The following ASB11 variants were observed in gnomAD, a reference collection of about 807,000 sequenced individuals.
ASB11 encodes the protein ankyrin repeat and SOCS box protein 11.
ASB11 carries 17 observed loss-of-function variants against 20.1 expected under a neutral mutation model. The ratio of observed to expected loss-of-function variants is 0.85; its 90% CI spans 0.58 to 1.27. The LOEUF is 1.27. ASB11 is among the 50% of genes most tolerant of loss of function. ASB11 has a pLI of 0.00. For missense variants in ASB11, 259 were observed against 256.9 expected, an observed-to-expected ratio of 1.01 and a Z score of -0.06; for synonymous variants, 107 against 105.6, an observed-to-expected ratio of 1.01 and a Z score of -0.08.
intron 1 of ASB11, among the ~76,000 whole-genome samples, chrX:15,312,290 T>C (rs1278305986): frequency 9.2e-6 from 1 of 108,251 alleles, no homozygotes; most frequent in African/African-American, 3.4e-5. Flanking sequence ...AAACCAAAAC[T>C]AATAACAGTC....
At chrX:15,294,928 G>A (rs927786869) in intron 3 of ASB11, among the ~76,000 whole-genome samples, 4 of 112,507 alleles carry the variant, frequency 3.6e-5, no homozygotes, top group African/African-American at 1.3e-4. Context: ...TCTACTAGGT[G>A]CTAATGTTTT....
intron 1 of ASB11, among the ~76,000 whole-genome samples, chrX:15,305,597 TTAGA>T (rs74919898): frequency 0.052 from 5,091 of 98,509 alleles, 134 homozygotes; most frequent in South Asian, 0.1. Flanking sequence ...AAAAAAAAGA[TTAGA>T]TAGATAGATA....
chrX:15,298,563 G>A, intron 2 of ASB11, among the ~76,000 whole-genome samples: 1 of 111,505 alleles, frequency 9.0e-6, no homozygotes, highest in Non-Finnish European at 1.9e-5. Context: ...GGAGCTAATA[G>A]ATTAGCCTTT....
chrX:15,286,176 G>C (rs1927380731), intron 6 of ASB11, among the ~76,000 whole-genome samples: 2 of 111,124 alleles, frequency 1.8e-5, no homozygotes, highest in Non-Finnish European at 3.8e-5. Context: ...AAATCCTCAA[G>C]TGAACTGATA....
At chrX:15,310,128 C>T (rs919044363) in intron 1 of ASB11, among the ~76,000 whole-genome samples, 1 of 110,036 alleles carries the variant, frequency 9.1e-6, no homozygotes, top group African/African-American at 3.3e-5. Flanking sequence ...CAGAAACTGC[C>T]ACAGTGGGGT....
intron 1 of ASB11, among the ~76,000 whole-genome samples, chrX:15,303,630 G>A (rs1388453884): frequency 8.9e-6 from 1 of 111,918 alleles, no homozygotes; most frequent in African/African-American, 3.2e-5. Context: ...CTGAGCATGG[G>A]CCAGTGGAGC....
At chrX:15,298,659 CTA>C (rs1401460260) in intron 2 of ASB11, among the ~76,000 whole-genome samples, 2 of 111,676 alleles carry the variant, frequency 1.8e-5, no homozygotes, top group African/African-American at 6.5e-5. Flanking sequence ...AGAGATGTCA[CTA>C]TGAGTCTAGG....
intron 1 of ASB11, chrX:15,314,583 T>C: frequency 1.0e-6 from 1 of 986,286 alleles, no homozygotes; most frequent in Non-Finnish European, 1.3e-6. Flanking sequence ...CACATAAGAC[T>C]ATTTTGAAAG....
intron 6 of ASB11, among the ~76,000 whole-genome samples, chrX:15,285,140 CTTTTTTT>C (rs767822616): frequency 4.0e-4 from 33 of 81,541 alleles, no homozygotes; most frequent in African/African-American, 1.0e-3. Flanking sequence ...TTTAATCTTT[CTTTTTTT>C]TTTTTTTTTT....
intron 6 of ASB11, among the ~76,000 whole-genome samples, chrX:15,284,872 C>T (rs751518557): frequency 8.9e-6 from 1 of 112,187 alleles, no homozygotes; most frequent in East Asian, 2.8e-4. Context: ...AACAGCATCT[C>T]ACACCCCATG....
intron 3 of ASB11, among the ~76,000 whole-genome samples, chrX:15,296,872 T>C (rs992959037): frequency 4.1e-4 from 46 of 112,189 alleles, no homozygotes; most frequent in African/African-American, 1.3e-3. Flanking sequence ...GCTGGGTATA[T>C]ACCCAGAAGA....
rs182509376 is a variant in ASB11 at position 15,314,595 on chromosome X, G to A, written c.181+830C>T. On this transcript the variant is annotated intron_variant, in intron 1 of 6. Coordinates refer to ENST00000480796, the MANE Select transcript of ASB11 (RefSeq NM_080873.3). ...AATCACATAAGACTATTTTGAAAGA[G>A]AATCCTGGATGCAAATTGAAATGGA... 608 of 955,019 alleles carry A rather than the reference G, an allele frequency of 6.4e-4. 3 individuals carry two copies. The African/African-American group carries it at 0.011, about 18-fold the overall frequency. The allele number at this position is 955,019 out of a possible 1,213,427, so 78.7% of individuals were successfully genotyped here.
rs770587509 is a variant in ASB11 at position 15,310,264 on chromosome X, C to T, written c.181+5161G>A. The stretch of plus-strand genomic sequence containing the variant: ...TTGGCAGCTTGGGAGTTTTTCCATT[C>T]CCTTCAGGAAGTATGCAACTGAGCT... On this transcript the variant is annotated intron_variant, in intron 1 of 6. Coordinates refer to ENST00000480796, the MANE Select transcript of ASB11 (RefSeq NM_080873.3). Among the ~76,000 whole-genome samples the T allele has an allele frequency of 8.1e-5, 9 of 111,617 alleles. No individual in the cohort carries two copies. In the South Asian group the frequency reaches 1.5e-3, roughly 19 times the overall value.
chrX:15,283,688 G>A, intron 6 of ASB11, 59 bp from the exon 7 acceptor site: 1 of 1,161,837 alleles, frequency 8.6e-7, no homozygotes, highest in Non-Finnish European at 1.2e-6. Context: ...GGTGGAAGGG[G>A]GAAATCAGAG....
intron 2 of ASB11, among the ~76,000 whole-genome samples, chrX:15,301,101 T>C (rs192647977): frequency 9.0e-6 from 1 of 111,096 alleles, no homozygotes; most frequent in Non-Finnish European, 1.9e-5. Flanking sequence ...TAGCTGGGAT[T>C]ATAGGCGCCC....
intron 1 of ASB11, 78 bp downstream of exon 1, chrX:15,315,347 C>A: frequency 1.2e-6 from 1 of 863,719 alleles, no homozygotes; most frequent in Non-Finnish European, 1.5e-6. Flanking sequence ...TATAATCTGC[C>A]TTCCAGAAAT....
At chrX:15,296,462 A>G (rs896624036) in intron 3 of ASB11, among the ~76,000 whole-genome samples, 6 of 112,087 alleles carry the variant, frequency 5.4e-5, no homozygotes, top group African/African-American at 9.7e-5. Flanking sequence ...TTAAACAACA[A>G]AATTAGAAAC....
At chrX:15,285,001 T>C (rs1216463030) in intron 6 of ASB11, among the ~76,000 whole-genome samples, 2 of 111,587 alleles carry the variant, frequency 1.8e-5, no homozygotes, top group African/African-American at 3.3e-5. Context: ...AGTTAAAATC[T>C]TGGGAAGCAA....
intron 1 of ASB11, among the ~76,000 whole-genome samples, chrX:15,303,806 G>A (rs1005453179): frequency 3.6e-5 from 4 of 112,284 alleles, no homozygotes; most frequent in Admixed American, 2.8e-4. Flanking sequence ...ATACAACCGC[G>A]ATGTTAAGTG....
Sources: allele counts gnomAD v4.1 joint callset (sites outside exome capture counted in the v4.1 genomes callset), GRCh38; gene constraint gnomAD v4.1.1; transcripts MANE v1.5; gene names NCBI Gene and HGNC (gene_info 2026-07-23, HGNC 2026-07-21).